Variants in XYLB observed in about 807,000 individuals in gnomAD.
XYLB encodes the protein xylulokinase, also known as xylulose kinase.
XYLB carries 62 observed loss-of-function variants against 78.7 expected under a neutral mutation model. The ratio of observed to expected loss-of-function variants is 0.79; its 90% CI spans 0.64 to 0.97. The LOEUF (loss-of-function observed/expected upper bound fraction) is 0.97, where lower values mean the gene tolerates loss of function less well. Ranked by LOEUF, XYLB falls within the 50% of genes least tolerant of loss-of-function variation. XYLB has a pLI of 0.00. For synonymous variants in XYLB, 245 were observed against 247.4 expected (o/e 0.99, Z 0.09); for missense variants, 687 against 676.8 (o/e 1.02, Z -0.17).
chr3:38,435,095 C>A, the XYLB span, among the ~76,000 whole-genome samples: 1 of 152,176 alleles, frequency 6.6e-6, no homozygotes, highest in Non-Finnish European at 1.5e-5. Context: ...GAGATCACAC[C>A]ACTTCACTCC....
chr3:38,349,964 C>T (rs1382756409), intron 2 of XYLB, among the ~76,000 whole-genome samples: 1 of 152,194 alleles, frequency 6.6e-6, no homozygotes, highest in Non-Finnish European at 1.5e-5. Context: ...TTTAAAGGCC[C>T]TGTCTCCAAA....
At chr3:38,395,107 G>A (rs569003662) in intron 15 of XYLB, among the ~76,000 whole-genome samples, 19 of 152,298 alleles carry the variant, frequency 1.2e-4, no homozygotes, top group Middle Eastern at 3.4e-3. Flanking sequence ...AATATCAGGA[G>A]GGAGGGATTA....
intron 15 of XYLB, among the ~76,000 whole-genome samples, chr3:38,384,222 A>G (rs1370772623): frequency 6.6e-6 from 1 of 152,006 alleles, no homozygotes. Flanking sequence ...GCACACCACC[A>G]CGCCCAGCTA....
intron 8 of XYLB, 99 bp downstream of exon 8, chr3:38,368,356 C>T: frequency 9.7e-7 from 1 of 1,032,826 alleles, no homozygotes; most frequent in Non-Finnish European, 1.5e-6. Context: ...GGGTGCCAAT[C>T]TTGTAGCCCT....
chr3:38,444,786 G>A, the XYLB span, among the ~76,000 whole-genome samples: 2 of 152,142 alleles, frequency 1.3e-5, no homozygotes, highest in African/African-American at 4.8e-5. Flanking sequence ...GTTTTGGTTT[G>A]TTTCTGCCCA....
downstream of XYLB, among the ~76,000 whole-genome samples, chr3:38,415,960 A>G (rs1302644564): frequency 6.6e-6 from 1 of 152,188 alleles, no homozygotes; most frequent in African/African-American, 2.4e-5. Context: ...GACGCACAAG[A>G]GAGCAAGCAG....
rs2125587435 is a variant in XYLB at position 38,368,258 on chromosome 3, G to A, written c.646+1G>A. 2 of 1,614,048 alleles carry A rather than the reference G, an allele frequency of 1.2e-6. No homozygotes were observed. Among genetic ancestry groups the A allele is most frequent in the East Asian group, 4.5e-5 (2 of 44,866 alleles). On this transcript the variant is annotated splice_donor_variant, in intron 8 of 18. Transcript: ENST00000207870. LOFTEE classifies it high-confidence loss of function. ...TACTCCCCTATTGACTACAGTGATG[G>A]TGAGCCTCGGGGTATGGGGTGGGTG...
chr3:38,411,817 A>G lies in XYLB; in HGVS notation c.1534-1119A>G, dbSNP rs76294869. Among the ~76,000 whole-genome samples the G allele has an allele frequency of 5.9e-4, 89 of 152,132 alleles. 1 individual carries two copies. In the East Asian group the frequency reaches 0.017, roughly 29 times the overall value. ...TGGGAAACTGCATCTGAACTGAGAA[A>G]ACCATAACTACCTGGTGAGAAGTCT... is the stretch of plus-strand genomic sequence containing the variant. On this transcript the variant is annotated intron_variant, in intron 18 of 18. Coordinates refer to ENST00000207870, the MANE Select transcript of XYLB (RefSeq NM_005108.4).
chr3:38,375,355 T>G, intron 12 of XYLB, 96 bp downstream of exon 12: 69 of 1,035,108 alleles, frequency 6.7e-5, no homozygotes, highest in Non-Finnish European at 8.3e-5. Flanking sequence ...CACTAAGCTC[T>G]GGAATGACTC....
intron 15 of XYLB, among the ~76,000 whole-genome samples, chr3:38,390,627 A>G (rs933588184): frequency 2.0e-5 from 3 of 152,152 alleles, no homozygotes; most frequent in Non-Finnish European, 4.4e-5. Context: ...GGCTCAAGCA[A>G]TCCTCCCACT....
chr3:38,404,018 C>T (rs2125662240), intron 18 of XYLB, among the ~76,000 whole-genome samples: 1 of 152,248 alleles, frequency 6.6e-6, no homozygotes, highest in South Asian at 2.1e-4. Flanking sequence ...AGGGCCACAT[C>T]CTTCATTCTC....
chr3:38,425,051 C>G (rs1445314357), downstream of XYLB, among the ~76,000 whole-genome samples: 2 of 152,208 alleles, frequency 1.3e-5, no homozygotes, highest in Non-Finnish European at 2.9e-5. Context: ...TGGTGCATTC[C>G]TCGTCTTTTA....
chr3:38,422,253 A>G (rs968584719), downstream of XYLB, among the ~76,000 whole-genome samples: 3 of 152,180 alleles, frequency 2.0e-5, no homozygotes, highest in African/African-American at 7.2e-5. Context: ...TACAGTGGGG[A>G]AATTCAAATT....
At chr3:38,415,619 C>G (rs1179387777), downstream of XYLB, among the ~76,000 whole-genome samples, 1 of 152,026 alleles carries the variant, frequency 6.6e-6, no homozygotes, top group Non-Finnish European at 1.5e-5. Context: ...CCCGTCTTTA[C>G]TAAAAATACA....
At position 38,374,489 on chromosome 3, in the gene XYLB, A is replaced by G. The variant is rs1337957401; in HGVS notation, c.875A>G (p.Glu292Gly). 8 of 1,613,468 alleles carry G rather than the reference A, an allele frequency of 5.0e-6. No homozygotes were observed. Among genetic ancestry groups the G allele is most frequent in the Non-Finnish European group, 6.8e-6 (8 of 1,179,702 alleles). ...PASLAGMRLEEGDIAVSLGTS... is the reference protein window; with the variant it reads ...PASLAGMRLEGGDIAVSLGTS... Reference sequence around the variant, plus strand: ...TCGCTGGCAGGCATGAGACTGGAGGAAGGTGACATTGCGGTAAGGCGACTT... The same window carrying G: ...TCGCTGGCAGGCATGAGACTGGAGGGAGGTGACATTGCGGTAAGGCGACTT... Residue 292 changes from glutamate to glycine, a missense_variant, in exon 11 of 19, where the codon GAA (glutamate) becomes GGA (glycine). Physicochemically the swap from Glu to Gly is moderately conservative, Grantham distance 98 (BLOSUM62 -2). Transcript: ENST00000207870.
chr3:38,346,898 C>A lies in XYLB; in HGVS notation c.30C>A (p.Cys10Ter). Residue 10 changes from cysteine (C) to a stop codon, truncating the protein, a stop_gained, in exon 1 of 19, where the codon TGC becomes TGA. Coordinates refer to ENST00000207870, the MANE Select transcript of XYLB (RefSeq NM_005108.4). LOFTEE classifies it high-confidence loss of function. The stretch of plus-strand genomic sequence containing the variant: ...CGGAGCACGCCCCTCGCCGCTGCTG[C>A]CTGGGCTGGGACTTCAGCACGCAGC... MAEHAPRRC[C>*]LGWDFSTQQV... 6.6e-7 allele frequency: 1 copy of A among 1,519,434 alleles called. No homozygotes were observed. The highest frequency in any genetic ancestry group is 8.8e-7 in the Non-Finnish European group (1 of 1,136,330). The allele number at this position is 1,519,434 out of a possible 1,614,324, so 94.1% of individuals were successfully genotyped here. A position where few individuals can be genotyped will look rare whatever the true frequency, so the allele number is the denominator to read the frequency against.
intron 8 of XYLB, among the ~76,000 whole-genome samples, chr3:38,369,677 T>C (rs1257149239): frequency 6.6e-6 from 1 of 152,176 alleles, no homozygotes; most frequent in East Asian, 1.9e-4. Flanking sequence ...GACCTTTCCT[T>C]GAAAAGTTAG....
chr3:38,398,964 G>A (rs1708008874), intron 17 of XYLB, among the ~76,000 whole-genome samples: 1 of 151,814 alleles, frequency 6.6e-6, no homozygotes, highest in South Asian at 2.1e-4. Flanking sequence ...CTTGGGAGGC[G>A]GAGGTTGCAG....
chr3:38,400,495 TG>T (rs2125655274), intron 17 of XYLB, among the ~76,000 whole-genome samples: 1 of 151,686 alleles, frequency 6.6e-6, no homozygotes, highest in East Asian at 2.0e-4. Context: ...GCAGAATGAG[TG>T]GAGAGAAGAC....
Sources: gnomAD v4.1 joint callset for allele counts (sites outside exome capture counted in the v4.1 genomes callset) on GRCh38, gnomAD v4.1.1 for gene constraint, MANE v1.5 for transcripts, NCBI Gene and HGNC (gene_info 2026-07-23, HGNC 2026-07-21) for gene names.